The following LRP2 variants were observed in gnomAD, a reference collection of about 807,000 sequenced individuals.
The protein encoded by LRP2 is LDL receptor related protein 2.
A neutral mutation model predicts 531.0 loss-of-function variants in LRP2; 172 were observed. The ratio of observed to expected loss-of-function variants is 0.32; its 90% CI spans 0.29 to 0.37. The LOEUF (loss-of-function observed/expected upper bound fraction) is 0.37. Ranked by LOEUF, LRP2 falls within the 10% of genes least tolerant of loss-of-function variation. LRP2 has a pLI of 1.00. For missense variants in LRP2, 5,167 were observed against 5,868.3 expected (o/e 0.88, Z 3.90); for synonymous variants, 1,992 against 2,027.6 (o/e 0.98, Z 0.47).
intron 31 of LRP2, among the ~76,000 whole-genome samples, chr2:169,227,731 A>G (rs541670997): frequency 2.4e-4 from 36 of 152,180 alleles, no homozygotes; most frequent in African/African-American, 8.7e-4. Flanking sequence ...TGTTCCTATC[A>G]TTTCTATTAC....
rs1683645454 is a variant in LRP2, at chr2:169,279,609, CA to C, written c.1342-15del. 1.3e-6 allele frequency: 2 copies of C among 1,510,762 alleles called. No homozygotes were observed. The highest frequency in any genetic ancestry group is 1.8e-6 in the Non-Finnish European group (2 of 1,087,290). The allele number at this position is 1,510,762 out of a possible 1,614,324, so 93.6% of individuals were successfully genotyped here. A position where few individuals can be genotyped will look rare whatever the true frequency, so the allele number is the denominator to read the frequency against. ...AACTGAAAAAACCTGAAAGAAAAAC[CA>C]AAATTATTATATTTCTTCAGCATCA... On this transcript the variant is annotated splice_polypyrimidine_tract_variant and intron_variant, in intron 11 of 78. Transcript: ENST00000649046.
Position 169,246,712 on chromosome 2 carries a change from G to A in LRP2, c.3183C>T (p.Gly1061=). 6.2e-7 allele frequency: 1 copy of A among 1,614,014 alleles called. No homozygotes were observed. Among genetic ancestry groups the A allele is most frequent in the Non-Finnish European group, 8.5e-7 (1 of 1,179,916 alleles). The part of the protein sequence containing the change: ...CHDNSDEQLC[G]TLNNTCSSSA... ...CAGTGCATAGCTACTTACTAAGTGT[G>A]CCACATAGTTGCTCATCACTGTTAT... The change falls in exon 21 of 79, where the codon GGC becomes GGT. Residue 1061 remains glycine, a synonymous_variant. Coordinates refer to ENST00000649046, the MANE Select transcript of LRP2 (RefSeq NM_004525.3).
intron 44 of LRP2, among the ~76,000 whole-genome samples, chr2:169,199,669 G>GA (rs149257764): frequency 0.078 from 11,872 of 151,478 alleles, 1,506 homozygotes; most frequent in African/African-American, 0.27. Flanking sequence ...TAACCCTGCA[G>GA]AAAAAAAAAT....
chr2:169,130,345 T>G (rs1685239223), intron 77 of LRP2, among the ~76,000 whole-genome samples: 1 of 150,698 alleles, frequency 6.6e-6, no homozygotes, highest in Admixed American at 6.7e-5. Flanking sequence ...TGGAGTGCAG[T>G]GTCACAGTCT....
intron 45 of LRP2, among the ~76,000 whole-genome samples, chr2:169,197,572 C>T (rs1410566404): frequency 1.3e-5 from 2 of 152,176 alleles, no homozygotes; most frequent in East Asian, 3.9e-4. Context: ...ACTCTTTTCT[C>T]CAGTAATTTT....
chr2:169,155,008 C>T (rs1001221088), intron 65 of LRP2, among the ~76,000 whole-genome samples: 1 of 152,124 alleles, frequency 6.6e-6, no homozygotes, highest in African/African-American at 2.4e-5. Context: ...AAAAGTTTAC[C>T]AGAAAAGTCT....
At chr2:169,156,749 T>C (rs1686346204) in intron 64 of LRP2, among the ~76,000 whole-genome samples, 1 of 152,192 alleles carries the variant, frequency 6.6e-6, no homozygotes, top group Non-Finnish European at 1.5e-5. Flanking sequence ...GTTGTATTGT[T>C]CGGTGTCTCT....
At chr2:169,154,725 T>A in intron 65 of LRP2, 122 bp from the exon 66 acceptor site, 1 of 853,168 alleles carries the variant, frequency 1.2e-6, no homozygotes, top group Non-Finnish European at 1.9e-6. Context: ...TATAGGAATC[T>A]GACTATCTCT....
chr2:169,298,232 CAAT>C (rs1684184589), intron 4 of LRP2, among the ~76,000 whole-genome samples: 1 of 143,592 alleles, frequency 7.0e-6, no homozygotes, highest in South Asian at 2.3e-4. Context: ...TCATCATCAT[CAAT>C]AACATGTATT....
In LRP2 at chr2:169,200,870, G is replaced by A. The variant is rs116545471; in HGVS notation, c.8452+758C>T. ...GGATGCTAAAACCACTGGGTGAAAG[G>A]ATGATGGGAGCTTCATAAGAGATGA... On this transcript the variant is annotated intron_variant, in intron 44 of 78. Coordinates refer to ENST00000649046, the MANE Select transcript of LRP2 (RefSeq NM_004525.3). Among the ~76,000 whole-genome samples the A allele has an allele frequency of 1.6e-3, 248 of 152,264 alleles. 3 individuals carry two copies. The highest frequency in any genetic ancestry group is 5.6e-3 in the African/African-American group (233 of 41,552).
intron 4 of LRP2, among the ~76,000 whole-genome samples, chr2:169,294,924 C>A (rs1443351885): frequency 6.6e-6 from 1 of 152,022 alleles, no homozygotes; most frequent in African/African-American, 2.4e-5. Context: ...TGGTAAATTA[C>A]AAACTGGGAT....
intron 52 of LRP2, among the ~76,000 whole-genome samples, chr2:169,178,787 G>T (rs1192796519): frequency 6.6e-6 from 1 of 151,964 alleles, no homozygotes; most frequent in Admixed American, 6.6e-5. Flanking sequence ...TAAAAATTTG[G>T]AACAGATCCT....
rs375638988 is a variant in LRP2 at position 169,236,101 on chromosome 2, G to T, written c.4692-33C>A. 1.0e-5 allele frequency: 15 copies of T among 1,446,142 alleles called. No homozygotes were observed. The East Asian group carries it at 1.4e-4, about 14-fold the overall frequency. The allele number at this position is 1,446,142 out of a possible 1,614,324, so 89.6% of individuals were successfully genotyped here. A position where few individuals can be genotyped will look rare whatever the true frequency, so the allele number is the denominator to read the frequency against. ...AGGAAATGAGTTACCAATTGGAGGG[G>T]ACGTATTTAAATATTAAAAATAACT... On this transcript the variant is annotated intron_variant, in intron 28 of 78. Coordinates refer to ENST00000649046, the MANE Select transcript of LRP2 (RefSeq NM_004525.3).
At position 169,173,931 on chromosome 2, in the gene LRP2, T is replaced by C; in HGVS notation, c.11002A>G (p.Ile3668Val). 6.2e-7 allele frequency: 1 copy of C among 1,614,214 alleles called. No homozygotes were observed. The highest frequency in any genetic ancestry group is 1.1e-5 in the South Asian group (1 of 91,080). ...NDCGDHSDEPIEECMSSAHLC... is the reference protein window; with the variant it reads ...NDCGDHSDEPVEECMSSAHLC... Reference sequence around the variant, plus strand: ...CACAGGAACTTACTGCATTCTTCAATGGGCTCATCCGAGTGGTCTCCACAA... The same window carrying C: ...CACAGGAACTTACTGCATTCTTCAACGGGCTCATCCGAGTGGTCTCCACAA... Residue 3668 changes from isoleucine (I) to valine (V), a missense_variant, in exon 56 of 79, where the codon ATT becomes GTT. Physicochemically the swap from Ile to Val is conservative, Grantham distance 29. Coordinates refer to ENST00000649046, the MANE Select transcript of LRP2 (RefSeq NM_004525.3).
At chr2:169,268,062 G>A (rs1683281197) in intron 16 of LRP2, among the ~76,000 whole-genome samples, 1 of 152,148 alleles carries the variant, frequency 6.6e-6, no homozygotes, top group South Asian at 2.1e-4. Context: ...CCAGGAAGAA[G>A]CTGAATCCCT....
chr2:169,342,453 AACTAGTTC>A (rs1218367106), intron 1 of LRP2, among the ~76,000 whole-genome samples: 5 of 152,152 alleles, frequency 3.3e-5, no homozygotes, highest in African/African-American at 1.2e-4. Flanking sequence ...CCTCTAACTT[AACTAGTTC>A]ATCTGCTTTC....
intron 59 of LRP2, 72 bp from the exon 60 acceptor site, chr2:169,169,890 G>T: frequency 9.8e-7 from 1 of 1,020,728 alleles, no homozygotes. Flanking sequence ...CTGGAGTATA[G>T]TGGTTACTCC....
At chr2:169,181,096 T>C (rs1299199805) in intron 52 of LRP2, among the ~76,000 whole-genome samples, 5 of 152,170 alleles carry the variant, frequency 3.3e-5, no homozygotes, top group Non-Finnish European at 7.3e-5. Context: ...TTATTAATCA[T>C]ATATTTCATA....
chr2:169,154,701 A>C (rs554514046), intron 65 of LRP2, 98 bp from the exon 66 acceptor site: 49 of 1,089,366 alleles, frequency 4.5e-5, no homozygotes, highest in Middle Eastern at 4.1e-4. Flanking sequence ...CCCTTTTTAA[A>C]GAACATGAGT....
Sources: allele counts gnomAD v4.1 joint callset (sites outside exome capture counted in the v4.1 genomes callset), GRCh38; gene constraint gnomAD v4.1.1; transcripts MANE v1.5; gene names NCBI Gene and HGNC (gene_info 2026-07-23, HGNC 2026-07-21).